PRKCB: variants seen among roughly 807,000 people sequenced by gnomAD.
PRKCB encodes the protein protein kinase C beta, also known as protein kinase C beta type.
A neutral mutation model predicts 81.5 loss-of-function variants in PRKCB; 13 were observed. The observed-to-expected ratio is 0.16, with a 90% CI of 0.10 to 0.25. The LOEUF is 0.25. Among genes scored for constraint, PRKCB ranks in the 10% least tolerant of loss-of-function variants. The pLI is 1.00. For missense variants in PRKCB, 509 were observed against 875.7 expected (o/e 0.58, Z 5.29); for synonymous variants, 335 against 321.4 (o/e 1.04, Z -0.45).
At chr16:24,047,360 A>G (rs111714460) in intron 5 of PRKCB, among the ~76,000 whole-genome samples, 1,520 of 151,850 alleles carry the variant, frequency 0.01, 42 homozygotes, top group African/African-American at 0.035. Context: ...AATAAATAAA[A>G]TAAAATAAAA....
intron 5 of PRKCB, among the ~76,000 whole-genome samples, chr16:24,048,589 C>T (rs28417285): frequency 0.016 from 2,419 of 151,846 alleles, 71 homozygotes; most frequent in African/African-American, 0.055. Flanking sequence ...TCCCTGGTTC[C>T]AGCGATTCTC....
intron 2 of PRKCB, among the ~76,000 whole-genome samples, chr16:23,961,237 T>A (rs1047963146): frequency 2.6e-5 from 4 of 152,202 alleles, no homozygotes; most frequent in Non-Finnish European, 2.9e-5. Context: ...CACCCAGTTT[T>A]AGGTACCTCC....
At chr16:23,839,361 A>G (rs1962227218) in intron 2 of PRKCB, among the ~76,000 whole-genome samples, 1 of 147,932 alleles carries the variant, frequency 6.8e-6, no homozygotes, top group Non-Finnish European at 1.5e-5. Flanking sequence ...GCAGCCTCAA[A>G]CTCATGGGCT....
chr16:23,899,634 CTCTCTCTCTCTG>C (rs1201918340), intron 2 of PRKCB, among the ~76,000 whole-genome samples: 2,075 of 8,062 alleles, frequency 0.26, 364 homozygotes, highest in African/African-American at 0.28. Flanking sequence ...CTCTCTCTCT[CTCTCTCTCTCTG>C]TGTGTGTGTG....
chr16:24,150,837 T>G (rs1041658526), intron 9 of PRKCB, among the ~76,000 whole-genome samples: 1 of 152,240 alleles, frequency 6.6e-6, no homozygotes, highest in African/African-American at 2.4e-5. Context: ...GCTCTAGAAT[T>G]CAGTTCGCTT....
chr16:23,862,405 G>A (rs1468427557), intron 2 of PRKCB, among the ~76,000 whole-genome samples: 1 of 152,124 alleles, frequency 6.6e-6, no homozygotes, highest in Non-Finnish European at 1.5e-5. Context: ...CTTTCCAGAA[G>A]CCGTGAGTGA....
At chr16:24,210,523 G>C (rs1464683458) in intron 16 of PRKCB, among the ~76,000 whole-genome samples, 1 of 148,412 alleles carries the variant, frequency 6.7e-6, no homozygotes, top group Non-Finnish European at 1.5e-5. Flanking sequence ...TTTTGAGACA[G>C]AGTCTCATTC....
rs577914039 is a variant in PRKCB, at chr16:23,969,963, G to T, written c.206-18545G>T. On this transcript the variant is annotated intron_variant, in intron 2 of 16. Transcript: ENST00000643927. ...TAGCTTGCCTGTCATCCCACTACAG[G>T]CCCCTTCCTTGAAAAGTTCCAGGCT... 5.9e-5 allele frequency among the ~76,000 whole-genome samples: 9 copies of T among 152,268 alleles called. No individual in the cohort carries two copies. In the South Asian group the frequency reaches 1.7e-3, roughly 28 times the overall value.
intron 2 of PRKCB, among the ~76,000 whole-genome samples, chr16:23,865,109 T>C (rs1962748487): frequency 6.6e-6 from 1 of 152,026 alleles, no homozygotes; most frequent in South Asian, 2.1e-4. Flanking sequence ...TTATGACTGA[T>C]CCCACAGAAA....
intron 5 of PRKCB, among the ~76,000 whole-genome samples, chr16:24,049,231 C>T (rs1475316528): frequency 1.6e-5 from 2 of 122,480 alleles, no homozygotes; most frequent in African/African-American, 6.6e-5. Context: ...CCCTGTCCCA[C>T]CCTGGACCTG....
intron 15 of PRKCB, among the ~76,000 whole-genome samples, chr16:24,186,078 T>C (rs1271408697): frequency 6.6e-6 from 1 of 152,180 alleles, no homozygotes; most frequent in Non-Finnish European, 1.5e-5. Flanking sequence ...CTGTCTCCTC[T>C]CCCCAGACAC....
At chr16:23,902,728 T>TCCTCCCTCCCCCCCTCCCTC (rs1482776399) in intron 2 of PRKCB, among the ~76,000 whole-genome samples, 2 of 20,340 alleles carry the variant, frequency 9.8e-5, no homozygotes, top group African/African-American at 2.4e-4. Flanking sequence ...CTCCCTCCCT[T>TCCTCCCTCCCCCCCTCCCTC]CCTCCCTTCC....
intron 5 of PRKCB, among the ~76,000 whole-genome samples, chr16:24,090,200 G>A (rs1966360758): frequency 6.6e-6 from 1 of 152,184 alleles, no homozygotes; most frequent in Admixed American, 6.5e-5. Flanking sequence ...GTGTAAAAAT[G>A]AGATGCAGCT....
At chr16:24,100,965 C>T (rs904814426) in intron 7 of PRKCB, among the ~76,000 whole-genome samples, 3 of 152,108 alleles carry the variant, frequency 2.0e-5, no homozygotes, top group Non-Finnish European at 2.9e-5. Flanking sequence ...GATCACAAGA[C>T]CAGGTAAGCC....
At chr16:23,962,975 T>C (rs1964445923) in intron 2 of PRKCB, 1 of 152,240 alleles carries the variant, frequency 6.6e-6, no homozygotes, top group Non-Finnish European at 1.5e-5. Flanking sequence ...TAGCTTCATT[T>C]ACAAGTGAGA....
At chr16:23,973,342 C>T (rs966966646) in intron 2 of PRKCB, among the ~76,000 whole-genome samples, 11 of 152,172 alleles carry the variant, frequency 7.2e-5, no homozygotes, top group African/African-American at 1.7e-4. Context: ...CCACCACGCC[C>T]GGCTAATTTT....
rs140278333 is a variant in PRKCB at position 23,910,028 on chromosome 16, C to T, written c.205+72622C>T. 1.3e-4 allele frequency among the ~76,000 whole-genome samples: 20 copies of T among 152,276 alleles called. No individual in the cohort carries two copies. The East Asian group carries it at 3.3e-3, about 25-fold the overall frequency. The stretch of plus-strand genomic sequence containing the variant: ...TTCAGTCCATAGCAGGAAGCAGTGC[C>T]GCCATGGGGAAGAGCATTGTCGTGA... On this transcript the variant is annotated intron_variant, in intron 2 of 16. Coordinates refer to ENST00000643927, the MANE Select transcript of PRKCB (RefSeq NM_002738.7).
chr16:23,901,466 A>C (rs758045222), intron 2 of PRKCB, among the ~76,000 whole-genome samples: 1 of 152,174 alleles, frequency 6.6e-6, no homozygotes, highest in Non-Finnish European at 1.5e-5. Context: ...TATCAGCAGG[A>C]AACAGCTTTG....
At chr16:24,155,014 G>C (rs1456918353) in intron 10 of PRKCB, among the ~76,000 whole-genome samples, 157 bp downstream of exon 10, 1 of 152,226 alleles carries the variant, frequency 6.6e-6, no homozygotes, top group Non-Finnish European at 1.5e-5. Flanking sequence ...AGAGTTCTGA[G>C]GTTGCTACTG....
Sources: gnomAD v4.1 joint callset for allele counts (sites outside exome capture counted in the v4.1 genomes callset) on GRCh38, gnomAD v4.1.1 for gene constraint, MANE v1.5 for transcripts, NCBI Gene and HGNC (gene_info 2026-07-23, HGNC 2026-07-21) for gene names.